The following TNR variants were observed in gnomAD, a reference collection of about 807,000 sequenced individuals.
The protein encoded by TNR is tenascin-R.
In TNR, 45 loss-of-function variants were observed where a neutral mutation model predicts 150.4. The ratio of observed to expected loss-of-function variants is 0.30; its 90% CI spans 0.24 to 0.38. The LOEUF (loss-of-function observed/expected upper bound fraction) is 0.38. Ranked by LOEUF, TNR falls within the 10% of genes least tolerant of loss-of-function variation. TNR has a pLI of 1.00. For missense variants in TNR, 1,544 were observed against 1,759.1 expected (o/e 0.88, Z 2.19); for synonymous variants, 687 against 678.4 (o/e 1.01, Z -0.20).
intron 1 of TNR, among the ~76,000 whole-genome samples, chr1:175,653,809 T>C (rs1000541145): frequency 4.6e-5 from 7 of 152,226 alleles, no homozygotes; most frequent in Non-Finnish European, 1.0e-4. Context: ...TAACAGACTA[T>C]CACATTAAAT....
intron 2 of TNR, among the ~76,000 whole-genome samples, chr1:175,467,299 T>C (rs1657077788): frequency 6.6e-6 from 1 of 152,138 alleles, no homozygotes; most frequent in Non-Finnish European, 1.5e-5. Flanking sequence ...CACCAGCAAG[T>C]GCCAAGCTTG....
chr1:175,519,155 T>C (rs1040270530), intron 2 of TNR, among the ~76,000 whole-genome samples: 2 of 152,212 alleles, frequency 1.3e-5, no homozygotes, highest in East Asian at 1.9e-4. Context: ...AATCCTCATC[T>C]TAAAGACACA....
chr1:175,410,879 G>A lies in TNR; in HGVS notation c.-63-4102C>T, dbSNP rs1441891586. On this transcript the variant is annotated intron_variant, in intron 2 of 22. Transcript: ENST00000367674. ...GAGAAATAATCTTTTGGTGTTTGAA[G>A]CCCAGATTTGGGGATTGCTTTTTCC... Among the ~76,000 whole-genome samples, 8 of 152,158 alleles carry A rather than the reference G, an allele frequency of 5.3e-5. 1 individual carries two copies. Among genetic ancestry groups the A allele is most frequent in the Non-Finnish European group, 1.2e-4 (8 of 68,026 alleles).
chr1:175,708,997 T>C (rs1666918788), intron 1 of TNR, among the ~76,000 whole-genome samples: 1 of 134,132 alleles, frequency 7.5e-6, no homozygotes, highest in Admixed American at 7.0e-5. Flanking sequence ...GAGCATGTTA[T>C]ATCATGTAAT....
chr1:175,494,491 G>A (rs1199579434), intron 2 of TNR, among the ~76,000 whole-genome samples: 4 of 152,138 alleles, frequency 2.6e-5, no homozygotes, highest in Non-Finnish European at 5.9e-5. Flanking sequence ...GAGCTTTCTG[G>A]CCAGAGAAAC....
intron 2 of TNR, among the ~76,000 whole-genome samples, chr1:175,442,366 A>G (rs1047840728): frequency 1.2e-4 from 18 of 152,204 alleles, no homozygotes; most frequent in African/African-American, 4.1e-4. Flanking sequence ...TAGGAGCAAG[A>G]TGAAAGCAAG....
At chr1:175,564,017 A>G (rs1051407917) in intron 1 of TNR, among the ~76,000 whole-genome samples, 3 of 152,236 alleles carry the variant, frequency 2.0e-5, no homozygotes, top group Non-Finnish European at 4.4e-5. Context: ...TTTAGACCAG[A>G]GTCACAGTCA....
At chr1:175,505,409 A>T (rs1658917926) in intron 2 of TNR, among the ~76,000 whole-genome samples, 2 of 152,206 alleles carry the variant, frequency 1.3e-5, no homozygotes, top group African/African-American at 4.8e-5. Context: ...CGCGCTAAGC[A>T]TGCGTTCTCA....
chr1:175,473,345 G>GATTT (rs1379629191), intron 2 of TNR, among the ~76,000 whole-genome samples: 2 of 152,110 alleles, frequency 1.3e-5, no homozygotes, highest in Non-Finnish European at 2.9e-5. Flanking sequence ...ATCACCAGCA[G>GATTT]CCCCCCAGAG....
rs1667893435 is a variant in TNR, at chr1:175,740,358, TA to T, written c.-165+2867del. 2.6e-5 allele frequency among the ~76,000 whole-genome samples: 4 copies of T among 152,324 alleles called. 1 individual carries two copies. The highest frequency in any genetic ancestry group is 9.6e-5 in the African/African-American group (4 of 41,566). On this transcript the variant is annotated intron_variant, in intron 1 of 22. Coordinates refer to ENST00000367674, the MANE Select transcript of TNR (RefSeq NM_003285.3). ...ACATCTTTTTTGGGGTATACAAGTG[TA>T]CACAATTGTCAAAACTTAATCTGAA...
chr1:175,436,691 C>T (rs1352052828), intron 2 of TNR, among the ~76,000 whole-genome samples: 3 of 152,076 alleles, frequency 2.0e-5, no homozygotes, highest in East Asian at 1.9e-4. Flanking sequence ...GAAGATCTAC[C>T]AAGCAAATGG....
intron 2 of TNR, among the ~76,000 whole-genome samples, chr1:175,427,118 T>C (rs992997945): frequency 2.5e-4 from 37 of 150,732 alleles, no homozygotes; most frequent in African/African-American, 9.0e-4. Flanking sequence ...TCTAATATAA[T>C]TTATTTGTTC....
At chr1:175,502,687 G>A (rs1303598427) in intron 2 of TNR, among the ~76,000 whole-genome samples, 2 of 152,124 alleles carry the variant, frequency 1.3e-5, no homozygotes, top group African/African-American at 4.8e-5. Context: ...CCAGTCTAAA[G>A]CAATGAATAA....
At chr1:175,473,089 T>C (rs1298158364) in intron 2 of TNR, among the ~76,000 whole-genome samples, 1 of 152,198 alleles carries the variant, frequency 6.6e-6, no homozygotes, top group East Asian at 1.9e-4. Context: ...CCCTTAGCAT[T>C]TAAGCCCCAC....
At chr1:175,362,624 C>T (rs1357150276) in intron 14 of TNR, 39 bp downstream of exon 14, 2 of 1,597,976 alleles carry the variant, frequency 1.3e-6, no homozygotes, top group Non-Finnish European at 1.7e-6. Flanking sequence ...AGATCTTCAG[C>T]CAGGGTTCTG....
At chr1:175,414,826 A>G (rs1207720794) in intron 2 of TNR, among the ~76,000 whole-genome samples, 1 of 152,188 alleles carries the variant, frequency 6.6e-6, no homozygotes, top group African/African-American at 2.4e-5. Context: ...GTGAGGAGGA[A>G]AAGAAGTAGC....
intron 2 of TNR, among the ~76,000 whole-genome samples, chr1:175,486,126 T>C (rs1296209365): frequency 6.6e-6 from 1 of 152,112 alleles, no homozygotes; most frequent in African/African-American, 2.4e-5. Flanking sequence ...AGGTTCTTTT[T>C]TTTTTTTTTA....
intron 6 of TNR, 105 bp downstream of exon 6, chr1:175,393,675 T>G: frequency 1.1e-6 from 1 of 879,726 alleles, no homozygotes; most frequent in Non-Finnish European, 1.9e-6. Flanking sequence ...TTTAATGGCA[T>G]GGAGAGAGAT....
intron 14 of TNR, 44 bp downstream of exon 14, chr1:175,362,619 T>C: frequency 6.3e-7 from 1 of 1,596,730 alleles, no homozygotes; most frequent in Non-Finnish European, 8.6e-7. Context: ...CACCCAGATC[T>C]TCAGCCAGGG....
Sources: allele counts gnomAD v4.1 joint callset (sites outside exome capture counted in the v4.1 genomes callset), GRCh38; gene constraint gnomAD v4.1.1; transcripts MANE v1.5; gene names NCBI Gene and HGNC (gene_info 2026-07-23, HGNC 2026-07-21).